The following INTS1 variants were observed in gnomAD, a reference collection of about 807,000 sequenced individuals.
The protein encoded by INTS1 is integrator complex subunit 1.
A neutral mutation model predicts 241.6 loss-of-function variants in INTS1; 137 were observed. That is an observed-to-expected ratio of 0.57 (90% confidence interval 0.49 to 0.65). The LOEUF (loss-of-function observed/expected upper bound fraction) is 0.65. Among genes scored for constraint, INTS1 ranks in the 30% least tolerant of loss-of-function variants. The pLI, the probability that INTS1 is intolerant of heterozygous loss-of-function variation, is 0.00. For synonymous variants in INTS1, 1,692 were observed against 1,337.8 expected, an observed-to-expected ratio of 1.26 and a Z score of -5.78; for missense variants, 3,073 against 3,032.2, an observed-to-expected ratio of 1.01 and a Z score of -0.32.
chr7:1,472,019 C>T (rs1448438919), intron 44 of INTS1, among the ~76,000 whole-genome samples: 3 of 152,226 alleles, frequency 2.0e-5, no homozygotes, highest in Non-Finnish European at 4.4e-5. Flanking sequence ...GCTGTACCCC[C>T]ACCACCTTAG....
intron 16 of INTS1, among the ~76,000 whole-genome samples, chr7:1,491,481 A>C (rs1484869692): frequency 6.6e-6 from 1 of 152,238 alleles, no homozygotes; most frequent in Non-Finnish European, 1.5e-5. Flanking sequence ...GGGACTATAA[A>C]ACCCTTGACA....
intron 14 of INTS1, chr7:1,494,585 C>T (rs1782753514): frequency 6.7e-6 from 4 of 593,242 alleles, no homozygotes; most frequent in South Asian, 1.9e-5. Context: ...GCGGCTGGGG[C>T]TTGGAGTCAC....
Position 1,471,529 on chromosome 7 carries a change from G to A in INTS1, c.6255+42C>T, listed in dbSNP as rs748431961. On this transcript the variant is annotated intron_variant, in intron 45 of 47. Transcript: ENST00000404767. ...GTGGCCCTGCTGGGGTTCCCCAAGGGAGTGGCTCCTCCCAGCTCTCCCTCA... is the reference window on the plus strand; with the variant it reads ...GTGGCCCTGCTGGGGTTCCCCAAGGAAGTGGCTCCTCCCAGCTCTCCCTCA... 3 of 1,596,268 alleles carry A rather than the reference G, an allele frequency of 1.9e-6. 1 individual carries two copies. In the South Asian group the frequency reaches 3.3e-5, roughly 18 times the overall value.
intron 18 of INTS1, among the ~76,000 whole-genome samples, 193 bp downstream of exon 18, chr7:1,489,151 C>A (rs2128540021): frequency 6.6e-6 from 1 of 152,342 alleles, no homozygotes; most frequent in African/African-American, 2.4e-5. Flanking sequence ...CACACCCCCT[C>A]TCCCGGCAAG....
At chr7:1,472,983 C>T (rs1781542645) in intron 43 of INTS1, 89 bp downstream of exon 43, 21 of 839,388 alleles carry the variant, frequency 2.5e-5, no homozygotes, top group South Asian at 9.2e-5. Context: ...ACGCCTCGGA[C>T]GGCCCAGGGC....
rs1781572784 is a variant in INTS1 at position 1,473,555 on chromosome 7, T to C, written c.5957+11A>G. 6.3e-7 allele frequency: 1 copy of C among 1,581,152 alleles called. No homozygotes were observed. The highest frequency in any genetic ancestry group is 1.3e-5 in the African/African-American group (1 of 74,312). On this transcript the variant is annotated intron_variant, in intron 42 of 47. Transcript: ENST00000404767. ...AGGCCCGAGGCTTCCCTGCAGCCCG[T>C]GGGCACTCACTGGAGCGGGTCGGCG...
At chr7:1,479,029 G>T in intron 31 of INTS1, 144 bp from the exon 32 acceptor site, 2 of 925,524 alleles carry the variant, frequency 2.2e-6, no homozygotes, top group Non-Finnish European at 3.2e-6. Flanking sequence ...CCCGCCTCCT[G>T]TCTGAAACGG....
rs199521513 is a variant in INTS1 at position 1,479,554 on chromosome 7, G to A, written c.4205C>T (p.Thr1402Met). 93 of 1,553,888 alleles carry A rather than the reference G, an allele frequency of 6.0e-5. No individual in the cohort carries two copies. Among genetic ancestry groups the A allele is most frequent in the Admixed American group, 5.8e-4 (30 of 51,936 alleles). ...VQGSPEVPGI[T>M]VRVLQALATL... is the part of the protein sequence containing the mutation. The stretch of plus-strand genomic sequence containing the variant: ...GGCGAGGGCCTGCAGGACACGCACC[G>A]TGATGCCCGGCACCTCGGGGCTGCC... The change falls in exon 31 of 48, where the codon ACG becomes ATG. Residue 1402 changes from threonine (T) to methionine (M), a missense_variant. Transcript: ENST00000404767.
chr7:1,497,179 G>A lies in INTS1; in HGVS notation c.1561C>T (p.Gln521Ter). ...NFQAFCLGLMQERKEPQYLEM... is the reference protein window; with the variant it reads ...NFQAFCLGLM ...AGGTACTGCGGCTCCTTGCGCTCCT[G>A]CATGAGCCCCAGGCAGAAGGCCTGG... is the stretch of plus-strand genomic sequence containing the variant. The change falls in exon 11 of 48, where the codon CAG (glutamine) becomes TAG (stop). Residue 521 changes from glutamine to a stop codon, truncating the protein, a stop_gained. Transcript: ENST00000404767. LOFTEE classifies it high-confidence loss of function. The surrounding 1 kb of genome is among the most constrained non-coding windows in gnomAD (Gnocchi z 5.3). The A allele has an allele frequency of 6.2e-7, 1 of 1,610,710 alleles. No homozygotes were observed. The highest frequency in any genetic ancestry group is 8.5e-7 in the Non-Finnish European group (1 of 1,178,868).
At chr7:1,477,494 C>G (rs1490511821) in intron 35 of INTS1, 56 bp downstream of exon 35, 6 of 1,453,840 alleles carry the variant, frequency 4.1e-6, no homozygotes, top group Non-Finnish European at 5.4e-6. Flanking sequence ...CACTTCAGGT[C>G]AGGAAGAGCC....
rs1352114333 is a variant in INTS1 at position 1,495,453 on chromosome 7, G to A, written c.1812C>T (p.Ala604=). ...CGCACCAGTGCACGTAGTCCTTAGG[G>A]GCGAGCTTGCTGATGGAGGGGACCA... The part of the protein sequence containing the change: ...HTVVPSISKL[A]PKDYVHCLHK... The change falls in exon 13 of 48, where the codon GCC becomes GCT. Residue 604 remains alanine (A), a synonymous_variant. Transcript: ENST00000404767. 2 of 1,612,420 alleles carry A rather than the reference G, an allele frequency of 1.2e-6. No homozygotes were observed. The highest frequency in any genetic ancestry group is 1.7e-6 in the Non-Finnish European group (2 of 1,179,678).
At position 1,497,233 on chromosome 7, in the gene INTS1, T is replaced by C. The variant is rs938857113; in HGVS notation, c.1507A>G (p.Ile503Val). 2 of 1,613,166 alleles carry C rather than the reference T, an allele frequency of 1.2e-6. No homozygotes were observed. The highest frequency in any genetic ancestry group is 1.7e-6 in the Non-Finnish European group (2 of 1,179,756). ...TTGATCTCGTGCTTGGTCTGCTTGA[T>C]GATCTCCCGCAGCAGGGCCCGCGAG... ...RASRALLREIIKQTKHEINFQ... is the reference protein window; with the variant it reads ...RASRALLREIVKQTKHEINFQ... Residue 503 changes from isoleucine to valine, a missense_variant, in exon 11 of 48, where the codon ATC becomes GTC. By Grantham distance (29) the Ile-to-Val change is conservative. Coordinates refer to ENST00000404767, the MANE Select transcript of INTS1 (RefSeq NM_001080453.3). The surrounding 1 kb of genome is among the most constrained non-coding windows in gnomAD (Gnocchi z 5.3).
chr7:1,500,212 G>A lies in INTS1; in HGVS notation c.504C>T (p.Ala168=), dbSNP rs779692641. The A allele has an allele frequency of 7.5e-6, 12 of 1,603,744 alleles. No individual in the cohort carries two copies. The highest frequency in any genetic ancestry group is 1.3e-5 in the African/African-American group (1 of 74,756). ...STLYLSLMYL[A]KIKPNIFATE... is the part of the protein sequence containing the mutation. ...TGGCGAAGATGTTGGGCTTGATCTTGGCCAGGTACATGAGGCTCAGGTAGA... is the reference window on the plus strand; with the variant it reads ...TGGCGAAGATGTTGGGCTTGATCTTAGCCAGGTACATGAGGCTCAGGTAGA... The change falls in exon 4 of 48, where the codon GCC becomes GCT. Residue 168 remains alanine, a synonymous_variant. Transcript: ENST00000404767.
chr7:1,472,336 G>T lies in INTS1; in HGVS notation c.6121C>A (p.Pro2041Thr). 1 of 1,573,942 alleles carries T rather than the reference G, an allele frequency of 6.4e-7. No homozygotes were observed. The highest frequency in any genetic ancestry group is 8.6e-7 in the Non-Finnish European group (1 of 1,160,524). ...LPLVSVSLFT[P>T]LTAAEMAPYM... ...GGGGCCATCTCGGCCGCGGTCAGAG[G>T]GGTGAACAGGGAGACGCTGACCAGG... is the stretch of plus-strand genomic sequence containing the variant. The change falls in exon 44 of 48, where the codon CCT becomes ACT. Residue 2041 changes from proline to threonine, a missense_variant. Pro to Thr is a conservative substitution (Grantham distance 38). Transcript: ENST00000404767.
chr7:1,498,318 GC>G, intron 10 of INTS1, 93 bp downstream of exon 10: 1 of 1,532,388 alleles, frequency 6.5e-7, no homozygotes, highest in Non-Finnish European at 8.8e-7. Flanking sequence ...ACGAAGCACT[GC>G]CAATCCACCG....
intron 16 of INTS1, among the ~76,000 whole-genome samples, chr7:1,490,402 G>C (rs541724129): frequency 6.6e-6 from 1 of 151,748 alleles, no homozygotes; most frequent in Admixed American, 6.6e-5. Flanking sequence ...AAAGGGTGTC[G>C]GCTCCGGATA....
Position 1,490,967 on chromosome 7 carries a change from C to A in INTS1, c.2166-1285G>T, listed in dbSNP as rs150864486. 3.8e-3 allele frequency among the ~76,000 whole-genome samples: 574 copies of A among 152,330 alleles called. 4 individuals carry two copies. The highest frequency in any genetic ancestry group is 0.013 in the African/African-American group (556 of 41,566). On this transcript the variant is annotated intron_variant, in intron 16 of 47. Coordinates refer to ENST00000404767, the MANE Select transcript of INTS1 (RefSeq NM_001080453.3). The stretch of plus-strand genomic sequence containing the variant: ...AAACTTGGGCGCAACAGGCCACCGA[C>A]AGGGCGCCAAGACGGCCCAAGGCGC...
intron 16 of INTS1, among the ~76,000 whole-genome samples, chr7:1,492,416 G>A (rs1390556845): frequency 6.6e-6 from 1 of 152,200 alleles, no homozygotes; most frequent in Non-Finnish European, 1.5e-5. Context: ...CGGCAGGTGA[G>A]CAGCTGCGTG....
At position 1,484,204 on chromosome 7, in the gene INTS1, G is replaced by A. The variant is rs535898249; in HGVS notation, c.3262-34C>T. 1,800 of 1,585,060 alleles carry A rather than the reference G, an allele frequency of 1.1e-3. 42 individuals carry two copies. The South Asian group carries it at 0.019, about 17-fold the overall frequency. Reference sequence around the variant, plus strand: ...TGGACAGGGGGGCGTCAGAGGCTCCGAGACAGCTCTGCTCTCCGGCCAGCT... The same window carrying A: ...TGGACAGGGGGGCGTCAGAGGCTCCAAGACAGCTCTGCTCTCCGGCCAGCT... On this transcript the variant is annotated intron_variant, in intron 24 of 47. Transcript: ENST00000404767.
Sources: allele counts gnomAD v4.1 joint callset (sites outside exome capture counted in the v4.1 genomes callset), GRCh38; gene constraint gnomAD v4.1.1; non-coding constraint Gnocchi (gnomAD v3.1); transcripts MANE v1.5; gene names NCBI Gene and HGNC (gene_info 2026-07-23, HGNC 2026-07-21).